Variants in CENPI observed in about 807,000 individuals in gnomAD.
The protein encoded by CENPI is FSH primary response 1.
Under a neutral mutation model 60.4 loss-of-function variants are expected in CENPI, and 4 were observed. That is an observed-to-expected ratio of 0.07 (90% CI 0.03 to 0.15). CENPI has a LOEUF of 0.15. CENPI is among the 10% of genes least tolerant of loss of function. CENPI has a pLI of 1.00. For missense variants in CENPI, 444 were observed against 534.5 expected (o/e 0.83, Z 1.67); for synonymous variants, 157 against 189.4 (o/e 0.83, Z 1.40).
In CENPI at chrX:101,102,492, T is replaced by TACACACACACACACACACACACAC. The variant is rs199742109; in HGVS notation, c.364+82_364+83insCACACACACACACACACACACACA. On this transcript the variant is annotated intron_variant, in intron 4 of 21. Transcript: ENST00000682095. ...TTCTTTTAAAAATAAATCTTATATATATATACACACACACACACACACACA... is the reference window on the plus strand; with the variant it reads ...TTCTTTTAAAAATAAATCTTATATATACACACACACACACACACACACACATATACACACACACACACACACACA... 2.3e-4 allele frequency: 69 copies of TACACACACACACACACACACACAC among 301,301 alleles called. 1 individual carries two copies. Among genetic ancestry groups the TACACACACACACACACACACACAC allele is most frequent in the Non-Finnish European group, 2.4e-4 (44 of 181,315 alleles). 24.8% of individuals were successfully genotyped at this position (301,301 alleles called of 1,213,427 possible).
chrX:101,166,637 A>C (rs1183954672), downstream of CENPI, among the ~76,000 whole-genome samples: 1 of 112,841 alleles, frequency 8.9e-6, no homozygotes, highest in Non-Finnish European at 1.9e-5. Context: ...AATTTGGTTT[A>C]TTATTGCAGT....
downstream of CENPI, among the ~76,000 whole-genome samples, chrX:101,170,618 T>C (rs746458884): frequency 4.5e-5 from 5 of 111,864 alleles, no homozygotes; most frequent in Non-Finnish European, 9.4e-5. Flanking sequence ...CAAACTGATA[T>C]ACATTTCCAA....
At chrX:101,170,574 T>C (rs2090154540), downstream of CENPI, among the ~76,000 whole-genome samples, 1 of 112,020 alleles carries the variant, frequency 8.9e-6, no homozygotes, top group Admixed American at 9.6e-5. Flanking sequence ...ATTCATAGAT[T>C]AGAAGACAAT....
At chrX:101,118,554 A>AC (rs2089645833) in intron 6 of CENPI, among the ~76,000 whole-genome samples, 1 of 112,620 alleles carries the variant, frequency 8.9e-6, no homozygotes, top group African/African-American at 3.2e-5. Context: ...GCCTTTTATA[A>AC]CCCAAGTACT....
In CENPI at chrX:101,109,510, C is replaced by G. The variant is rs771336336; in HGVS notation, c.402C>G (p.Ile134Met). The G allele has an allele frequency of 1.7e-6, 2 of 1,210,096 alleles. No homozygotes were observed. The highest frequency in any genetic ancestry group is 5.9e-5 in the East Asian group (2 of 33,852). Residue 134 changes from isoleucine (I) to methionine (M), a missense_variant, in exon 5 of 22, where the codon ATC (isoleucine) becomes ATG (methionine). By Grantham distance (10) the Ile-to-Met change is conservative (BLOSUM62 1). Coordinates refer to ENST00000682095, the MANE Select transcript of CENPI (RefSeq NM_001386188.2). ...ACACACGGATATTGAAGTGCATGATCCCAGCAACAGTAATATCAGAAGATT... is the reference window on the plus strand; with the variant it reads ...ACACACGGATATTGAAGTGCATGATGCCAGCAACAGTAATATCAGAAGATT... ...AVNTRILKCMIPATVISEDSV... is the reference protein window; with the variant it reads ...AVNTRILKCMMPATVISEDSV...
chrX:101,159,914 T>G (rs1199026925), intron 20 of CENPI, among the ~76,000 whole-genome samples: 2 of 112,402 alleles, frequency 1.8e-5, no homozygotes, highest in African/African-American at 6.5e-5. Context: ...AAATTTGAGA[T>G]GCTTGTTAGA....
At chrX:101,138,141 C>T (rs1466396051) in intron 15 of CENPI, among the ~76,000 whole-genome samples, 1 of 95,946 alleles carries the variant, frequency 1.0e-5, no homozygotes, top group Non-Finnish European at 2.1e-5. Context: ...GTGCCCGCCA[C>T]CATGCCTGGC....
At chrX:101,179,621 C>T in the CENPI span, among the ~76,000 whole-genome samples, 4 of 110,462 alleles carry the variant, frequency 3.6e-5, no homozygotes, top group Non-Finnish European at 5.7e-5. Flanking sequence ...CCCAGGTTCA[C>T]GCCATTCTCC....
At chrX:101,159,438 A>G (rs1343782811) in intron 20 of CENPI, among the ~76,000 whole-genome samples, 1 of 109,725 alleles carries the variant, frequency 9.1e-6, no homozygotes, top group Non-Finnish European at 1.9e-5. Context: ...CTGGGATTAC[A>G]GGTGTGAGCC....
At chrX:101,122,829 T>G (rs1357965130) in intron 8 of CENPI, among the ~76,000 whole-genome samples, 2 of 111,655 alleles carry the variant, frequency 1.8e-5, no homozygotes, top group Non-Finnish European at 3.8e-5. Context: ...TGAGCTGAGA[T>G]CACGCCAGCC....
chrX:101,178,222 G>T, the CENPI span, among the ~76,000 whole-genome samples: 1 of 110,016 alleles, frequency 9.1e-6, no homozygotes, highest in Admixed American at 9.7e-5. Context: ...CTCCTTCCTT[G>T]CTTTAGGTGT....
intron 15 of CENPI, among the ~76,000 whole-genome samples, chrX:101,139,292 A>C (rs1419328312): frequency 3.8e-5 from 4 of 104,693 alleles, no homozygotes; most frequent in African/African-American, 1.4e-4. Flanking sequence ...ATGGGGTTTC[A>C]CCATGCTGGC....
At chrX:101,133,419 T>C (rs781440723) in intron 15 of CENPI, among the ~76,000 whole-genome samples, 1 of 108,765 alleles carries the variant, frequency 9.2e-6, no homozygotes, top group African/African-American at 3.3e-5. Context: ...GTTTAAACAT[T>C]AGGCTGGACC....
chrX:101,175,104 TCAA>T, the CENPI span, among the ~76,000 whole-genome samples: 1,301 of 111,771 alleles, frequency 0.012, 8 homozygotes, highest in Middle Eastern at 0.083. Flanking sequence ...AAACTCCATC[TCAA>T]CAACAACAAC....
chrX:101,161,023 C>T (rs771591686), intron 20 of CENPI, among the ~76,000 whole-genome samples: 42 of 112,146 alleles, frequency 3.7e-4, no homozygotes, highest in African/African-American at 1.3e-3. Context: ...TTTAGAAGTA[C>T]TTTCACCAGT....
chrX:101,178,346 G>GCTAT, the CENPI span, among the ~76,000 whole-genome samples: 1 of 105,604 alleles, frequency 9.5e-6, no homozygotes, highest in Non-Finnish European at 1.9e-5. Context: ...CCTCTAGTCA[G>GCTAT]CTATCTTGAA....
At chrX:101,136,196 G>A (rs1052606740) in intron 15 of CENPI, among the ~76,000 whole-genome samples, 2 of 112,297 alleles carry the variant, frequency 1.8e-5, no homozygotes, top group African/African-American at 3.2e-5. Context: ...ATATGGAAAT[G>A]TATTCAGAGG....
At chrX:101,111,798 C>G (rs985771265) in intron 6 of CENPI, among the ~76,000 whole-genome samples, 1 of 111,356 alleles carries the variant, frequency 9.0e-6, no homozygotes, top group Non-Finnish European at 1.9e-5. Flanking sequence ...TTTTGGGAGG[C>G]CGAGGCAGGT....
At chrX:101,175,191 T>C in the CENPI span, among the ~76,000 whole-genome samples, 1 of 112,699 alleles carries the variant, frequency 8.9e-6, no homozygotes, top group African/African-American at 3.2e-5. Flanking sequence ...ATAACAATTA[T>C]GCTATTTCAA....
Sources: gnomAD v4.1 joint callset for allele counts (sites outside exome capture counted in the v4.1 genomes callset) on GRCh38, gnomAD v4.1.1 for gene constraint, MANE v1.5 for transcripts, NCBI Gene and HGNC (gene_info 2026-07-23, HGNC 2026-07-21) for gene names.